THSD4: variants seen among roughly 807,000 people sequenced by gnomAD.
The protein encoded by THSD4 is thrombospondin type 1 domain containing 4.
A neutral mutation model predicts 119.0 loss-of-function variants in THSD4; 69 were observed. The observed-to-expected ratio is 0.58, with a 90% CI of 0.48 to 0.71. The LOEUF (loss-of-function observed/expected upper bound fraction) is 0.71. Ranked by LOEUF, THSD4 falls within the 30% of genes least tolerant of loss-of-function variation. The pLI is 0.00. For synonymous variants in THSD4, 524 were observed against 540.4 expected (o/e 0.97, Z 0.42); for missense variants, 1,393 against 1,391.1 (o/e 1.00, Z -0.02).
chr15:71,687,144 G>A (rs1451857697), intron 8 of THSD4, among the ~76,000 whole-genome samples: 2 of 152,120 alleles, frequency 1.3e-5, no homozygotes, highest in African/African-American at 2.4e-5. Flanking sequence ...CATGAGGCAG[G>A]TGGCATCTAT....
chr15:71,148,047 T>C (rs996550789), intron 2 of THSD4, among the ~76,000 whole-genome samples: 1 of 115,064 alleles, frequency 8.7e-6, no homozygotes, highest in Admixed American at 9.8e-5. Context: ...GTCGAGAAAA[T>C]ACAAATGGCT....
At chr15:71,644,848 G>A (rs1419602413) in intron 7 of THSD4, among the ~76,000 whole-genome samples, 1 of 152,088 alleles carries the variant, frequency 6.6e-6, no homozygotes, top group Admixed American at 6.6e-5. Flanking sequence ...TCCTCTAGCA[G>A]TCCATTTCAC....
At chr15:71,744,745 T>C (rs2053301949) in intron 11 of THSD4, among the ~76,000 whole-genome samples, 1 of 152,230 alleles carries the variant, frequency 6.6e-6, no homozygotes, top group African/African-American at 2.4e-5. Flanking sequence ...AAAGTTACTA[T>C]TTGTGTTCCT....
At position 71,167,441 on chromosome 15, in the gene THSD4, T is replaced by G. The variant is rs1196606109; in HGVS notation, c.99+12509T>G. On this transcript the variant is annotated intron_variant, in intron 3 of 17. Transcript: ENST00000261862. ...CCCATGGGGCACAGTTTGCCAACTC[T>G]TGCTCTAAAGTCAGGATAGAAAGGT... Among the ~76,000 whole-genome samples, 5 of 152,242 alleles carry G rather than the reference T, an allele frequency of 3.3e-5. No homozygotes were observed. The East Asian group carries it at 9.6e-4, about 29-fold the overall frequency.
intron 7 of THSD4, among the ~76,000 whole-genome samples, chr15:71,447,951 A>C (rs1451320891): frequency 6.6e-6 from 1 of 152,192 alleles, no homozygotes; most frequent in Non-Finnish European, 1.5e-5. Flanking sequence ...GGTACAGGTT[A>C]CTTGTCAATT....
chr15:71,704,376 C>T (rs974991628), intron 8 of THSD4, among the ~76,000 whole-genome samples: 2 of 152,122 alleles, frequency 1.3e-5, no homozygotes, highest in African/African-American at 2.4e-5. Context: ...ATCATGGGGA[C>T]AGGTCTTCCC....
intron 8 of THSD4, among the ~76,000 whole-genome samples, chr15:71,712,839 A>G (rs1193345917): frequency 2.0e-5 from 3 of 152,224 alleles, no homozygotes; most frequent in Non-Finnish European, 2.9e-5. Flanking sequence ...AAAAGACTAC[A>G]TACCCTATGC....
At chr15:71,727,553 AATATATATATATAT>A (rs869196877) in intron 8 of THSD4, among the ~76,000 whole-genome samples, 3 of 122,790 alleles carry the variant, frequency 2.4e-5, no homozygotes, top group African/African-American at 1.2e-4. Flanking sequence ...AAAAAAAAAA[AATATATATATATAT>A]ATATATATAT....
At chr15:71,610,299 G>T (rs1032467966) in intron 7 of THSD4, among the ~76,000 whole-genome samples, 5 of 152,126 alleles carry the variant, frequency 3.3e-5, no homozygotes, top group African/African-American at 1.2e-4. Flanking sequence ...GGCACCTTCT[G>T]CCATCTTCAT....
At chr15:71,369,398 G>A (rs2046011957) in intron 6 of THSD4, among the ~76,000 whole-genome samples, 1 of 152,172 alleles carries the variant, frequency 6.6e-6, no homozygotes, top group Non-Finnish European at 1.5e-5. Context: ...TGCCCATTCA[G>A]TCTGATATTG....
intron 7 of THSD4, among the ~76,000 whole-genome samples, chr15:71,515,470 T>C (rs1225926350): frequency 1.3e-5 from 2 of 152,192 alleles, no homozygotes; most frequent in Non-Finnish European, 2.9e-5. Context: ...TCCTTGTCTG[T>C]AGTTGTGTAA....
chr15:71,129,186 C>G (rs2040481174), intron 1 of THSD4, among the ~76,000 whole-genome samples: 1 of 152,158 alleles, frequency 6.6e-6, no homozygotes, highest in African/African-American at 2.4e-5. Context: ...CTTTTATTCA[C>G]CTTGGGCCAT....
At chr15:71,571,256 A>G (rs1400380193) in intron 7 of THSD4, among the ~76,000 whole-genome samples, 2 of 151,674 alleles carry the variant, frequency 1.3e-5, no homozygotes, top group Non-Finnish European at 1.5e-5. Context: ...CAAAAATCAC[A>G]TGGACACATC....
intron 7 of THSD4, among the ~76,000 whole-genome samples, chr15:71,526,284 G>A (rs892059510): frequency 7.2e-5 from 11 of 152,128 alleles, no homozygotes; most frequent in African/African-American, 2.7e-4. Context: ...CTTCAAACTT[G>A]CAGCCGGCTT....
intron 6 of THSD4, among the ~76,000 whole-genome samples, chr15:71,345,542 C>T (rs1263113281): frequency 6.6e-6 from 1 of 152,168 alleles, no homozygotes; most frequent in Non-Finnish European, 1.5e-5. Flanking sequence ...TGAGGGCTTG[C>T]TAATTTAGCA....
At chr15:71,617,193 C>T (rs925297740) in intron 7 of THSD4, among the ~76,000 whole-genome samples, 1 of 152,140 alleles carries the variant, frequency 6.6e-6, no homozygotes, top group Admixed American at 6.5e-5. Context: ...TTCCTATCCT[C>T]CAGTTGATGT....
chr15:71,357,329 C>T (rs935744774), intron 6 of THSD4, among the ~76,000 whole-genome samples: 11 of 152,218 alleles, frequency 7.2e-5, no homozygotes, highest in African/African-American at 1.9e-4. Flanking sequence ...TAGACCCCAT[C>T]GCTGAGGTGT....
At chr15:71,608,222 C>CAAAAAA (rs1220559216) in intron 7 of THSD4, among the ~76,000 whole-genome samples, 4,660 of 46,610 alleles carry the variant, frequency 0.1, 178 homozygotes, top group South Asian at 0.15. Flanking sequence ...AACTCTGTCT[C>CAAAAAA]AAAAAAAAAA....
intron 6 of THSD4, among the ~76,000 whole-genome samples, chr15:71,375,468 C>A (rs566605135): frequency 6.6e-6 from 1 of 152,156 alleles, no homozygotes; most frequent in Non-Finnish European, 1.5e-5. Flanking sequence ...ATTGCCTGTT[C>A]AGTTGTTTGG....
Sources: allele counts gnomAD v4.1 joint callset (sites outside exome capture counted in the v4.1 genomes callset), GRCh38; gene constraint gnomAD v4.1.1; transcripts MANE v1.5; gene names NCBI Gene and HGNC (gene_info 2026-07-23, HGNC 2026-07-21).